Variants in GPR161 observed in about 807,000 individuals in gnomAD.
GPR161 encodes G-protein coupled receptor RE2.
In GPR161, 25 loss-of-function variants were observed where a neutral mutation model predicts 39.2. That is an observed-to-expected ratio of 0.64 (90% CI 0.47 to 0.89). The LOEUF (loss-of-function observed/expected upper bound fraction) is 0.89. GPR161 is among the 40% of genes least tolerant of loss of function. The pLI, the probability that GPR161 is intolerant of heterozygous loss-of-function variation, is 0.00. For missense variants in GPR161, 547 were observed against 677.8 expected, an observed-to-expected ratio of 0.81 and a Z score of 2.14; for synonymous variants, 286 against 276.6, an observed-to-expected ratio of 1.03 and a Z score of -0.34.
At chr1:168,090,356 C>T (rs749509924) in intron 4 of GPR161, 25 of 487,988 alleles carry the variant, frequency 5.1e-5, no homozygotes, top group Non-Finnish European at 7.3e-5. Context: ...CTGACAGCCC[C>T]ATTTTGTAGA....
intron 1 of GPR161, among the ~76,000 whole-genome samples, chr1:168,108,211 T>G (rs1201892496): frequency 6.6e-6 from 1 of 151,924 alleles, no homozygotes; most frequent in African/African-American, 2.4e-5. Flanking sequence ...TAGTGGGAAC[T>G]AAGAGTTAGA....
intron 1 of GPR161, among the ~76,000 whole-genome samples, chr1:168,106,488 G>A (rs542819978): frequency 6.6e-6 from 1 of 152,308 alleles, no homozygotes; most frequent in South Asian, 2.1e-4. Context: ...TACTTAGCGG[G>A]CTGAGGTGGG....
chr1:168,137,070 C>T (rs1165905096), upstream of GPR161: 4 of 1,009,428 alleles, frequency 4.0e-6, no homozygotes, highest in East Asian at 9.6e-5. Context: ...CACCCGCGCC[C>T]CTTCCTTCGC....
intron 1 of GPR161, among the ~76,000 whole-genome samples, chr1:168,131,253 A>C (rs189851909): frequency 6.7e-6 from 1 of 149,324 alleles, no homozygotes; most frequent in African/African-American, 2.5e-5. Context: ...CCTCCCAACT[A>C]TTGCCAGACT....
chr1:168,131,991 G>A (rs573958183), intron 1 of GPR161, among the ~76,000 whole-genome samples: 35 of 152,316 alleles, frequency 2.3e-4, no homozygotes, highest in African/African-American at 5.5e-4. Context: ...CTGGCCAGGC[G>A]CGGTGACTCA....
intron 1 of GPR161, among the ~76,000 whole-genome samples, chr1:168,112,826 C>G (rs1697330539): frequency 1.3e-5 from 2 of 152,216 alleles, no homozygotes; most frequent in African/African-American, 4.8e-5. Flanking sequence ...CACTGCACTC[C>G]AGTCTGAGTG....
In GPR161 at chr1:168,084,683, A is replaced by C. The variant is rs762754825; in HGVS notation, c.*848T>G. On this transcript the variant is annotated 3_prime_UTR_variant, in exon 6 of 6. Coordinates refer to ENST00000682931, the MANE Select transcript of GPR161 (RefSeq NM_001375883.1). ...TTCCCATGTGAACAAATTCCCTTCCATAATAACAGTTTCTCTATTTCCTGG... is the reference window on the plus strand; with the variant it reads ...TTCCCATGTGAACAAATTCCCTTCCCTAATAACAGTTTCTCTATTTCCTGG... The C allele has an allele frequency of 5.4e-6, 2 of 372,704 alleles. No homozygotes were observed. The highest frequency in any genetic ancestry group is 4.3e-5 in the African/African-American group (2 of 46,980). The allele number at this position is 372,704 out of a possible 1,614,324, so 23.1% of individuals were successfully genotyped here. A position where few individuals can be genotyped will look rare whatever the true frequency, so the allele number is the denominator to read the frequency against.
intron 1 of GPR161, among the ~76,000 whole-genome samples, chr1:168,112,215 T>A (rs1384061477): frequency 1.3e-5 from 2 of 152,068 alleles, no homozygotes; most frequent in African/African-American, 4.8e-5. Context: ...GCATGGTGGC[T>A]CACGCCTGTA....
chr1:168,108,241 A>G (rs1270461943), intron 1 of GPR161, among the ~76,000 whole-genome samples: 2 of 152,012 alleles, frequency 1.3e-5, no homozygotes, highest in Non-Finnish European at 2.9e-5. Flanking sequence ...CTCCCACAAG[A>G]ATGGCACCAT....
chr1:168,136,850 G>T lies in GPR161; in HGVS notation c.-156C>A. On this transcript the variant is annotated 5_prime_UTR_variant, in exon 1 of 6. Transcript: ENST00000682931. Reference sequence around the variant, plus strand: ...CCGCGCTCCGGGACTGGAGGTTTCGGGTTTCAGCCCACCGAGCCCCGCTTC... The same window carrying T: ...CCGCGCTCCGGGACTGGAGGTTTCGTGTTTCAGCCCACCGAGCCCCGCTTC... 1.0e-6 allele frequency: 1 copy of T among 983,452 alleles called. No individual in the cohort carries two copies. The highest frequency in any genetic ancestry group is 4.5e-5 in the South Asian group (1 of 22,094). The allele number at this position is 983,452 out of a possible 1,614,324, so 60.9% of individuals were successfully genotyped here.
chr1:168,104,104 C>A lies in GPR161; in HGVS notation c.374+373G>T, dbSNP rs139724822. Among the ~76,000 whole-genome samples the A allele has an allele frequency of 5.4e-3, 828 of 152,242 alleles. 7 individuals are homozygous for A. The highest frequency in any genetic ancestry group is 0.019 in the African/African-American group (793 of 41,536). On this transcript the variant is annotated intron_variant, in intron 2 of 5. Coordinates refer to ENST00000682931, the MANE Select transcript of GPR161 (RefSeq NM_001375883.1). ...CGGGCTGCACTAGTCAACACCAAAG[C>A]AAGACAGAGCAGGGGTCACACTGGG...
chr1:168,119,838 A>G (rs1036048298), intron 1 of GPR161, among the ~76,000 whole-genome samples: 7 of 152,120 alleles, frequency 4.6e-5, no homozygotes, highest in Non-Finnish European at 8.8e-5. Context: ...GCTTCCACGT[A>G]GTGTTGGGCC....
chr1:168,101,704 G>A (rs961142719), intron 2 of GPR161, among the ~76,000 whole-genome samples: 9 of 152,194 alleles, frequency 5.9e-5, no homozygotes, highest in Admixed American at 2.0e-4. Flanking sequence ...GTTGATAAAC[G>A]GCATACATAG....
At chr1:168,106,927 C>T (rs570225274) in intron 1 of GPR161, among the ~76,000 whole-genome samples, 8 of 152,082 alleles carry the variant, frequency 5.3e-5, no homozygotes, top group South Asian at 4.2e-4. Context: ...CTTTAGTTGG[C>T]GAGTTCTGGG....
At position 168,090,649 on chromosome 1, in the gene GPR161, G is replaced by A. The variant is rs376902127; in HGVS notation, c.1119C>T (p.His373=). Residue 373 remains histidine, a synonymous_variant, in exon 4 of 6, where the codon CAC becomes CAT. Transcript: ENST00000682931. The part of the protein sequence containing the change: ...NRITDLGLSP[H]LTALMAGGQP... ...GTCCACCTGCCATGAGCGCAGTGAG[G>A]TGTGGGGACAGGCCCAGGTCTGAAA... 4 of 1,609,176 alleles carry A rather than the reference G, an allele frequency of 2.5e-6. No homozygotes were observed. Among genetic ancestry groups the A allele is most frequent in the Non-Finnish European group, 2.6e-6 (3 of 1,176,108 alleles).
At chr1:168,117,266 T>A (rs1174121963) in intron 1 of GPR161, among the ~76,000 whole-genome samples, 3 of 152,244 alleles carry the variant, frequency 2.0e-5, no homozygotes, top group Non-Finnish European at 4.4e-5. Flanking sequence ...ATTGCTTAAT[T>A]ATTAACTAAT....
intron 1 of GPR161, among the ~76,000 whole-genome samples, chr1:168,124,613 G>A (rs568564344): frequency 6.6e-6 from 1 of 152,280 alleles, no homozygotes; most frequent in East Asian, 1.9e-4. Flanking sequence ...GGTTATCACA[G>A]TGAGCCATTA....
At chr1:168,126,936 G>A (rs149087884) in intron 1 of GPR161, among the ~76,000 whole-genome samples, 58 of 152,220 alleles carry the variant, frequency 3.8e-4, no homozygotes, top group African/African-American at 1.3e-3. Context: ...ATGGGCCTTG[G>A]AATCTTTACC....
chr1:168,087,435 G>T, intron 5 of GPR161, 150 bp downstream of exon 5: 1 of 913,278 alleles, frequency 1.1e-6, no homozygotes, highest in Non-Finnish European at 1.7e-6. Flanking sequence ...ACTCAGGTGA[G>T]ACCAACAGGG....
Sources: allele counts gnomAD v4.1 joint callset (sites outside exome capture counted in the v4.1 genomes callset), GRCh38; gene constraint gnomAD v4.1.1; transcripts MANE v1.5; gene names NCBI Gene and HGNC (gene_info 2026-07-23, HGNC 2026-07-21).